Variants in MARCHF3 observed in about 807,000 individuals in gnomAD.
The protein encoded by MARCHF3 is membrane associated ring-CH-type finger 3.
Under a neutral mutation model 24.2 loss-of-function variants are expected in MARCHF3, and 13 were observed. The ratio of observed to expected loss-of-function variants is 0.54; its 90% CI spans 0.35 to 0.85. The LOEUF (loss-of-function observed/expected upper bound fraction) is 0.85, where lower values mean the gene tolerates loss of function less well. Ranked by LOEUF, MARCHF3 falls within the 40% of genes least tolerant of loss-of-function variation. The probability of loss-of-function intolerance (pLI) is 0.01; values close to 1 mark genes in which losing one functional copy is unlikely to be tolerated. For synonymous variants in MARCHF3, 144 were observed against 137.3 expected, an observed-to-expected ratio of 1.05 and a Z score of -0.34; for missense variants, 276 against 325.0, an observed-to-expected ratio of 0.85 and a Z score of 1.16.
intron 3 of MARCHF3, among the ~76,000 whole-genome samples, chr5:126,884,089 A>G (rs1380118437): frequency 1.3e-5 from 2 of 152,192 alleles, no homozygotes; most frequent in African/African-American, 4.8e-5. Context: ...AGCCCAACAC[A>G]TTCTACACTA....
At chr5:126,972,437 G>A (rs1335092603) in intron 1 of MARCHF3, among the ~76,000 whole-genome samples, 1 of 152,150 alleles carries the variant, frequency 6.6e-6, no homozygotes, top group Non-Finnish European at 1.5e-5. Context: ...GAAATTAAAG[G>A]AAGTTCTGTG....
chr5:126,907,481 G>A (rs1190222957), intron 3 of MARCHF3, among the ~76,000 whole-genome samples: 1 of 151,264 alleles, frequency 6.6e-6, no homozygotes, highest in Non-Finnish European at 1.5e-5. Flanking sequence ...CTCAGGACTT[G>A]CTTTATGAAT....
chr5:126,995,264 A>G (rs1253951528), intron 1 of MARCHF3, among the ~76,000 whole-genome samples: 1 of 152,224 alleles, frequency 6.6e-6, no homozygotes, highest in Non-Finnish European at 1.5e-5. Flanking sequence ...AAAAAGCACT[A>G]ATACGTAAAT....
In MARCHF3 at chr5:126,868,262, C is replaced by G. The variant is rs891581234; in HGVS notation, c.*2371G>C. The G allele has an allele frequency of 3.9e-5, 6 of 152,162 alleles. No individual in the cohort carries two copies. Among genetic ancestry groups the G allele is most frequent in the African/African-American group, 1.4e-4 (6 of 41,446 alleles). 9.4% of individuals were successfully genotyped at this position (152,162 alleles called of 1,614,324 possible). On this transcript the variant is annotated 3_prime_UTR_variant, in exon 5 of 5. Transcript: ENST00000308660. ...GAAATATCCTCCAAGAGTTCAGAAT[C>G]CCCTATGGGCCCTGATGCTGATGGA...
chr5:126,903,059 T>C (rs1253453542), intron 3 of MARCHF3, among the ~76,000 whole-genome samples: 1 of 152,128 alleles, frequency 6.6e-6, no homozygotes, highest in African/African-American at 2.4e-5. Flanking sequence ...TTTGAATCAG[T>C]CATTTCAGCT....
chr5:126,951,083 C>T (rs750145171), intron 1 of MARCHF3, among the ~76,000 whole-genome samples: 3 of 152,162 alleles, frequency 2.0e-5, no homozygotes, highest in Non-Finnish European at 2.9e-5. Flanking sequence ...TTGTTAAGTT[C>T]GCTAGTTATT....
At chr5:126,987,414 G>A (rs1237722212) in intron 1 of MARCHF3, among the ~76,000 whole-genome samples, 2 of 152,204 alleles carry the variant, frequency 1.3e-5, no homozygotes, top group Non-Finnish European at 2.9e-5. Context: ...CCAGTCTGCT[G>A]GCCTGTGCTA....
At chr5:126,963,729 T>C (rs190270835) in intron 1 of MARCHF3, among the ~76,000 whole-genome samples, 1 of 152,160 alleles carries the variant, frequency 6.6e-6, no homozygotes, top group Non-Finnish European at 1.5e-5. Context: ...AAGTAGAGGA[T>C]TTTGACTCTT....
chr5:126,951,918 C>T (rs1225750701), intron 1 of MARCHF3, among the ~76,000 whole-genome samples: 2 of 152,104 alleles, frequency 1.3e-5, no homozygotes, highest in Non-Finnish European at 2.9e-5. Context: ...ACTATCTCGG[C>T]TCACTGCAAC....
At chr5:126,995,473 T>G (rs774994984) in intron 1 of MARCHF3, among the ~76,000 whole-genome samples, 26 of 152,246 alleles carry the variant, frequency 1.7e-4, no homozygotes, top group Non-Finnish European at 3.5e-4. Flanking sequence ...AGACTGATTA[T>G]TAAAGCCTGC....
At chr5:126,963,663 T>C (rs1421439602) in intron 1 of MARCHF3, among the ~76,000 whole-genome samples, 1 of 152,194 alleles carries the variant, frequency 6.6e-6, no homozygotes, top group African/African-American at 2.4e-5. Flanking sequence ...AATTTAGCTT[T>C]ATAATTGGTA....
chr5:126,912,069 T>G (rs1349214817), intron 3 of MARCHF3, among the ~76,000 whole-genome samples: 1 of 152,114 alleles, frequency 6.6e-6, no homozygotes, highest in Non-Finnish European at 1.5e-5. Context: ...ATCAGCCCAT[T>G]GATTTGCCAT....
At chr5:126,949,768 C>G (rs549150516) in intron 1 of MARCHF3, among the ~76,000 whole-genome samples, 3 of 152,238 alleles carry the variant, frequency 2.0e-5, no homozygotes, top group African/African-American at 4.8e-5. Context: ...CAAAGGTAGG[C>G]TGGGATTAGG....
chr5:126,897,249 G>A (rs1482557279), intron 3 of MARCHF3, among the ~76,000 whole-genome samples: 1 of 151,648 alleles, frequency 6.6e-6, no homozygotes, highest in Non-Finnish European at 1.5e-5. Flanking sequence ...TTGTTGGTCA[G>A]GCTGGTCTTG....
chr5:126,974,577 G>C (rs1201618364), intron 1 of MARCHF3, among the ~76,000 whole-genome samples: 1 of 152,222 alleles, frequency 6.6e-6, no homozygotes, highest in African/African-American at 2.4e-5. Flanking sequence ...AGGAACCTCA[G>C]TTGGAGGTTC....
intron 3 of MARCHF3, among the ~76,000 whole-genome samples, chr5:126,887,672 C>T (rs141338513): frequency 3.3e-5 from 5 of 152,334 alleles, no homozygotes; most frequent in Non-Finnish European, 5.9e-5. Flanking sequence ...TGAGCTCTCA[C>T]GCAATGCTCT....
chr5:126,961,705 T>G (rs772825574), intron 1 of MARCHF3, among the ~76,000 whole-genome samples: 2 of 152,186 alleles, frequency 1.3e-5, no homozygotes, highest in Non-Finnish European at 2.9e-5. Flanking sequence ...CATATGTAAT[T>G]TGGCTTGAAG....
At chr5:126,903,233 A>G (rs1205838796) in intron 3 of MARCHF3, among the ~76,000 whole-genome samples, 1 of 152,076 alleles carries the variant, frequency 6.6e-6, no homozygotes, top group Non-Finnish European at 1.5e-5. Flanking sequence ...TAAATGCAGG[A>G]AGGAATGCAA....
chr5:126,957,846 T>C (rs1750500308), intron 1 of MARCHF3, among the ~76,000 whole-genome samples: 1 of 152,142 alleles, frequency 6.6e-6, no homozygotes, highest in Admixed American at 6.5e-5. Context: ...TAAAAATGTA[T>C]TTAAGCTGAA....
Sources: allele counts gnomAD v4.1 joint callset (sites outside exome capture counted in the v4.1 genomes callset), GRCh38; gene constraint gnomAD v4.1.1; transcripts MANE v1.5; gene names NCBI Gene and HGNC (gene_info 2026-07-23, HGNC 2026-07-21).